The following EHBP1 variants were observed in gnomAD, a reference collection of about 807,000 sequenced individuals.
EHBP1 encodes the protein EH domain-binding protein 1.
EHBP1 carries 55 observed loss-of-function variants against 144.0 expected under a neutral mutation model. The ratio of observed to expected loss-of-function variants is 0.38; its 90% CI spans 0.31 to 0.48. The LOEUF (loss-of-function observed/expected upper bound fraction) is 0.48. EHBP1 is among the 20% of genes least tolerant of loss of function. EHBP1 has a pLI of 0.98. For missense variants in EHBP1, 1,200 were observed against 1,364.2 expected (o/e 0.88, Z 1.90); for synonymous variants, 469 against 472.7 (o/e 0.99, Z 0.10).
chr2:62,811,922 G>A (rs1432510591), intron 5 of EHBP1, among the ~76,000 whole-genome samples: 1 of 152,182 alleles, frequency 6.6e-6, no homozygotes, highest in Non-Finnish European at 1.5e-5. Flanking sequence ...CAAAGTTCTT[G>A]TGTTGGAAAT....
At chr2:62,770,766 A>G (rs1462652714) in intron 4 of EHBP1, among the ~76,000 whole-genome samples, 1 of 152,242 alleles carries the variant, frequency 6.6e-6, no homozygotes, top group Non-Finnish European at 1.5e-5. Context: ...CTAAATGCCC[A>G]TCAGTGACAG....
At chr2:62,915,610 A>G (rs1023142502) in intron 10 of EHBP1, among the ~76,000 whole-genome samples, 1 of 152,198 alleles carries the variant, frequency 6.6e-6, no homozygotes, top group Admixed American at 6.5e-5. Context: ...TAGATACTTT[A>G]TAGATTTGAT....
chr2:62,874,219 C>T, intron 9 of EHBP1, 127 bp from the exon 10 acceptor site: 2 of 604,066 alleles, frequency 3.3e-6, no homozygotes, highest in Non-Finnish European at 2.8e-6. Flanking sequence ...TTCCAAATTC[C>T]AGGTTATCAC....
At chr2:62,992,633 A>T (rs549521889) in intron 16 of EHBP1, among the ~76,000 whole-genome samples, 2 of 152,180 alleles carry the variant, frequency 1.3e-5, no homozygotes, top group Non-Finnish European at 2.9e-5. Flanking sequence ...ACATTTATAA[A>T]TGAGGCATTC....
intron 7 of EHBP1, among the ~76,000 whole-genome samples, chr2:62,837,393 A>C (rs1367601454): frequency 1.0e-4 from 15 of 149,652 alleles, no homozygotes; most frequent in African/African-American, 3.7e-4. Context: ...TCATGCCAAA[A>C]TGTAAAGACC....
chr2:62,891,313 A>C (rs980762681), intron 10 of EHBP1, among the ~76,000 whole-genome samples: 1 of 152,156 alleles, frequency 6.6e-6, no homozygotes, highest in Non-Finnish European at 1.5e-5. Context: ...ATTACAGTCA[A>C]CTTGAACTCC....
chr2:62,948,663 C>T lies in EHBP1; in HGVS notation c.1817C>T (p.Ser606Phe). The change falls in exon 13 of 23, where the codon TCC becomes TTC. Residue 606 changes from serine (S) to phenylalanine (F), a missense_variant. By Grantham distance (155) the Ser-to-Phe change is radical. Around this residue, in one of 6 missense-constraint regions of EHBP1, gnomAD observed 543 missense variants for 513.1 expected, o/e 1.06. Transcript: ENST00000431489. ...PDDHLSPSTA[S>F]PYCRRTKSDT... ...GATCACCTTAGTCCAAGCACAGCCT[C>T]CCCTTACTGTCGCAGGACTAAAAGT... 1 of 1,613,986 alleles carries T rather than the reference C, an allele frequency of 6.2e-7. No individual in the cohort carries two copies. The highest frequency in any genetic ancestry group is 8.5e-7 in the Non-Finnish European group (1 of 1,179,982).
chr2:62,766,666 T>A (rs2041214199), intron 4 of EHBP1, among the ~76,000 whole-genome samples: 1 of 152,170 alleles, frequency 6.6e-6, no homozygotes, highest in Non-Finnish European at 1.5e-5. Context: ...CCTTTTGCCT[T>A]TACTTACTCT....
chr2:62,843,092 T>A lies in EHBP1; in HGVS notation c.634+11934T>A, dbSNP rs1394965879. 2.6e-5 allele frequency among the ~76,000 whole-genome samples: 4 copies of A among 152,374 alleles called. No individual in the cohort carries two copies. The East Asian group carries it at 7.7e-4, about 29-fold the overall frequency. On this transcript the variant is annotated intron_variant, in intron 7 of 22. Transcript: ENST00000431489. ...CTCTGAATCTAATTGAAGAAATTGTTTTGAGGCAACTTTGGATGCCTCTAT... is the reference window on the plus strand; with the variant it reads ...CTCTGAATCTAATTGAAGAAATTGTATTGAGGCAACTTTGGATGCCTCTAT...
At chr2:62,853,845 T>C (rs577854495) in intron 7 of EHBP1, among the ~76,000 whole-genome samples, 33 of 152,326 alleles carry the variant, frequency 2.2e-4, no homozygotes, top group African/African-American at 7.5e-4. Flanking sequence ...GTTACTTTTT[T>C]AGGGAGCATG....
chr2:63,014,768 G>A (rs550461038), intron 19 of EHBP1, among the ~76,000 whole-genome samples: 5 of 152,222 alleles, frequency 3.3e-5, no homozygotes, highest in Middle Eastern at 6.8e-3. Flanking sequence ...ACCTGAGGTC[G>A]GGAGTTCAAG....
At chr2:62,825,580 C>A in intron 5 of EHBP1, among the ~76,000 whole-genome samples, 1 of 147,068 alleles carries the variant, frequency 6.8e-6, no homozygotes, top group African/African-American at 2.5e-5. Flanking sequence ...ACTCAAATTA[C>A]AGGATACATA....
upstream of EHBP1, among the ~76,000 whole-genome samples, chr2:62,704,553 C>A (rs1260543360): frequency 6.6e-6 from 1 of 152,180 alleles, no homozygotes; most frequent in Non-Finnish European, 1.5e-5. Context: ...CGCTTGCTTT[C>A]TTTTTATGTT....
intron 5 of EHBP1, among the ~76,000 whole-genome samples, chr2:62,823,237 C>T (rs1007198308): frequency 6.6e-6 from 1 of 152,032 alleles, no homozygotes; most frequent in Non-Finnish European, 1.5e-5. Context: ...GAACTAATTT[C>T]GAAAATACTG....
intron 10 of EHBP1, among the ~76,000 whole-genome samples, chr2:62,920,797 C>T (rs538042057): frequency 5.3e-5 from 8 of 151,900 alleles, no homozygotes; most frequent in African/African-American, 1.4e-4. Context: ...CGAGTAGCTG[C>T]GATTACAGGC....
chr2:62,913,236 A>G (rs2054356090), intron 10 of EHBP1, among the ~76,000 whole-genome samples: 1 of 152,212 alleles, frequency 6.6e-6, no homozygotes, highest in Admixed American at 6.5e-5. Context: ...TTTAAGACAA[A>G]TAACCAAATA....
intron 19 of EHBP1, among the ~76,000 whole-genome samples, chr2:63,003,505 A>G (rs1482214204): frequency 1.3e-5 from 2 of 152,098 alleles, no homozygotes; most frequent in African/African-American, 4.8e-5. Context: ...GGGAATGTGC[A>G]TAAAACTTCA....
At chr2:62,850,525 C>G (rs1430690939) in intron 7 of EHBP1, among the ~76,000 whole-genome samples, 4 of 152,024 alleles carry the variant, frequency 2.6e-5, no homozygotes, top group Non-Finnish European at 5.9e-5. Flanking sequence ...TTATTCTCAT[C>G]AATGTGAAGC....
chr2:62,859,216 G>T lies in EHBP1; in HGVS notation c.682G>T (p.Ala228Ser). ...NFLDEAEKDL[A>S]TVNSNPFDDP... ...TTTGGATGAAGCAGAAAAGGACTTG[G>T]CCACCGTGAATTCAAATCCATTTGA... is the stretch of plus-strand genomic sequence containing the variant. The change falls in exon 8 of 23, where the codon GCC (alanine) becomes TCC (serine). Residue 228 changes from alanine to serine, a missense_variant. Coordinates refer to ENST00000431489, the MANE Select transcript of EHBP1 (RefSeq NM_001142616.3). 1 of 1,611,792 alleles carries T rather than the reference G, an allele frequency of 6.2e-7. No homozygotes were observed. The highest frequency in any genetic ancestry group is 8.5e-7 in the Non-Finnish European group (1 of 1,178,584).
Sources: gnomAD v4.1 joint callset for allele counts (sites outside exome capture counted in the v4.1 genomes callset) on GRCh38, gnomAD v4.1.1 for gene constraint, gnomAD v4.1.1 regional missense constraint, MANE v1.5 for transcripts, NCBI Gene and HGNC (gene_info 2026-07-23, HGNC 2026-07-21) for gene names.